Variants in CEMIP2 observed in about 807,000 individuals in gnomAD.
CEMIP2 encodes the protein cell migration inducing hyaluronidase 2.
In CEMIP2, 79 loss-of-function variants were observed where a neutral mutation model predicts 146.9. The observed-to-expected ratio is 0.54, with a 90% CI of 0.45 to 0.65. CEMIP2 has a LOEUF of 0.65. Ranked by LOEUF, CEMIP2 falls within the 30% of genes least tolerant of loss-of-function variation. The probability of loss-of-function intolerance (pLI) is 0.00; values close to 1 mark genes in which losing one functional copy is unlikely to be tolerated. For missense variants in CEMIP2, 1,596 were observed against 1,696.2 expected (o/e 0.94, Z 1.04); for synonymous variants, 601 against 606.3 (o/e 0.99, Z 0.13).
At chr9:71,728,291 A>ATATATACG (rs1554684770) in intron 10 of CEMIP2, among the ~76,000 whole-genome samples, 1 of 17,382 alleles carries the variant, frequency 5.8e-5, no homozygotes, top group Non-Finnish European at 1.9e-4. Context: ...GTATATATAT[A>ATATATACG]TATATATATA....
intron 2 of CEMIP2, 156 bp downstream of exon 2, chr9:71,749,887 C>CAATT: frequency 1.6e-6 from 1 of 611,832 alleles, no homozygotes; most frequent in Non-Finnish European, 2.8e-6. Flanking sequence ...GATTATTGAA[C>CAATT]AATTGCTCTC....
At chr9:71,728,274 TATATATGTATATATATATATATATATAC>T (rs1823481550) in intron 10 of CEMIP2, among the ~76,000 whole-genome samples, 2 of 9,896 alleles carry the variant, frequency 2.0e-4, no homozygotes, top group Non-Finnish European at 6.1e-4. Context: ...TATATATATA[TATATATGTATATATATATATATATATAC>T]ATATATATAT....
intron 2 of CEMIP2, among the ~76,000 whole-genome samples, chr9:71,748,586 A>G (rs542592210): frequency 6.6e-6 from 1 of 152,330 alleles, no homozygotes; most frequent in African/African-American, 2.4e-5. Flanking sequence ...CCTTTACTGC[A>G]GAAGAGTTGG....
chr9:71,689,922 G>A (rs1193393086), intron 22 of CEMIP2, among the ~76,000 whole-genome samples, 170 bp downstream of exon 22: 2 of 152,186 alleles, frequency 1.3e-5, no homozygotes, highest in Non-Finnish European at 2.9e-5. Context: ...TCAATGATAA[G>A]CAGCTTAGAC....
At chr9:71,740,006 A>T in intron 5 of CEMIP2, 57 bp downstream of exon 5, 1 of 1,499,134 alleles carries the variant, frequency 6.7e-7, no homozygotes. Flanking sequence ...TTAGAAAAAA[A>T]AAATCTGTCA....
chr9:71,754,746 A>C (rs1486369577), intron 1 of CEMIP2, among the ~76,000 whole-genome samples: 2 of 152,232 alleles, frequency 1.3e-5, no homozygotes, highest in Non-Finnish European at 2.9e-5. Context: ...GATTATAAAA[A>C]GTAGTAGCCC....
chr9:71,751,669 TA>T (rs995118822), intron 1 of CEMIP2, among the ~76,000 whole-genome samples: 2 of 152,128 alleles, frequency 1.3e-5, no homozygotes, highest in African/African-American at 2.4e-5. Context: ...TTTTACATTT[TA>T]AAAAAATATA....
chr9:71,716,038 C>T (rs185998930), intron 14 of CEMIP2, among the ~76,000 whole-genome samples: 1 of 152,122 alleles, frequency 6.6e-6, no homozygotes. Flanking sequence ...GGAGAACAAA[C>T]TTGTCCTGAA....
Position 71,685,002 on chromosome 9 carries a change from C to A in CEMIP2, c.*195G>T. ...CCAGCCTTACAAATACAAACAACGTCTTTAACATTTTGTACAACTAGAAGG... is the reference window on the plus strand; with the variant it reads ...CCAGCCTTACAAATACAAACAACGTATTTAACATTTTGTACAACTAGAAGG... On this transcript the variant is annotated 3_prime_UTR_variant, in exon 24 of 24. Transcript: ENST00000377044. 1.9e-6 allele frequency: 1 copy of A among 515,504 alleles called. No individual in the cohort carries two copies. Among genetic ancestry groups the A allele is most frequent in the Non-Finnish European group, 3.4e-6 (1 of 298,414 alleles). The allele number at this position is 515,504 out of a possible 1,614,324, so 31.9% of individuals were successfully genotyped here.
intron 22 of CEMIP2, 80 bp downstream of exon 22, chr9:71,690,012 A>C: frequency 6.5e-7 from 1 of 1,534,564 alleles, no homozygotes; most frequent in South Asian, 1.2e-5. Flanking sequence ...AAAAAATCGG[A>C]CTTGACCAGG....
At chr9:71,734,201 AGTTTTT>A (rs143439036) in intron 6 of CEMIP2, among the ~76,000 whole-genome samples, 3,379 of 145,740 alleles carry the variant, frequency 0.023, 53 homozygotes, top group East Asian at 0.089. Context: ...AATATCAATG[AGTTTTT>A]GTTTTTGTTT....
At chr9:71,699,924 A>G (rs1822512425) in intron 19 of CEMIP2, among the ~76,000 whole-genome samples, 1 of 152,208 alleles carries the variant, frequency 6.6e-6, no homozygotes, top group African/African-American at 2.4e-5. Context: ...GACTTGATTT[A>G]CATGCCCACA....
At chr9:71,744,788 C>T (rs1418769635) in intron 4 of CEMIP2, among the ~76,000 whole-genome samples, 4 of 152,202 alleles carry the variant, frequency 2.6e-5, no homozygotes, top group Non-Finnish European at 4.4e-5. Flanking sequence ...TTTCACAAGT[C>T]TGGCACTCCA....
At chr9:71,727,310 G>A (rs1445421669) in intron 10 of CEMIP2, among the ~76,000 whole-genome samples, 1 of 152,166 alleles carries the variant, frequency 6.6e-6, no homozygotes, top group African/African-American at 2.4e-5. Context: ...ACATAGATCA[G>A]AAGATGGCTG....
At chr9:71,759,867 TA>T (rs1161862433) in intron 1 of CEMIP2, among the ~76,000 whole-genome samples, 1 of 133,594 alleles carries the variant, frequency 7.5e-6, no homozygotes, top group Non-Finnish European at 1.8e-5. Flanking sequence ...ATCTTTGTAG[TA>T]GGGGAAAAGT....
intron 14 of CEMIP2, among the ~76,000 whole-genome samples, 200 bp downstream of exon 14, chr9:71,716,317 A>G (rs1823055933): frequency 6.6e-6 from 1 of 151,270 alleles, no homozygotes; most frequent in Non-Finnish European, 1.5e-5. Context: ...CAGCTATATT[A>G]ACCTAGTACT....
rs750642477 is a variant in CEMIP2, at chr9:71,734,802, A to G, written c.1393+4T>C. On this transcript the variant is annotated splice_donor_region_variant and intron_variant, in intron 6 of 23. Transcript: ENST00000377044. ...CCCAAGAAGTACTCTAAGCAGTTTA[A>G]TACCTTTGACTTTGACCTGAAAATG... 5 of 1,602,780 alleles carry G rather than the reference A, an allele frequency of 3.1e-6. No homozygotes were observed. Among genetic ancestry groups the G allele is most frequent in the East Asian group, 2.2e-5 (1 of 44,656 alleles).
intron 14 of CEMIP2, 113 bp downstream of exon 14, chr9:71,716,404 A>AT (rs982966352): frequency 4.1e-5 from 38 of 931,950 alleles, no homozygotes; most frequent in South Asian, 5.0e-5. Context: ...GAGGTTGCTA[A>AT]TTTTTTTTAT....
At chr9:71,728,269 ATATATATATATG>A (rs1459830938) in intron 10 of CEMIP2, among the ~76,000 whole-genome samples, 6 of 15,084 alleles carry the variant, frequency 4.0e-4, no homozygotes, top group Admixed American at 1.2e-3. Flanking sequence ...ACGTATATAT[ATATATATATATG>A]TATATATATA....
Sources: allele counts gnomAD v4.1 joint callset (sites outside exome capture counted in the v4.1 genomes callset), GRCh38; gene constraint gnomAD v4.1.1; transcripts MANE v1.5; gene names NCBI Gene and HGNC (gene_info 2026-07-23, HGNC 2026-07-21).